GRIA2: variants seen among roughly 807,000 people sequenced by gnomAD.
GRIA2 encodes the protein glutamate ionotropic receptor AMPA type subunit 2, also known as glutamate receptor 2.
A neutral mutation model predicts 97.3 loss-of-function variants in GRIA2; 14 were observed. The ratio of observed to expected loss-of-function variants is 0.14; its 90% CI spans 0.10 to 0.23. The LOEUF is 0.23. GRIA2 is among the 10% of genes least tolerant of loss of function. The pLI is 1.00. For missense variants in GRIA2, 558 were observed against 1,069.8 expected (o/e 0.52, Z 6.67); for synonymous variants, 412 against 387.8 (o/e 1.06, Z -0.73).
In GRIA2 at chr4:157,265,251, A is replaced by G. The variant is rs577037473; in HGVS notation, c.230-38301A>G. On this transcript the variant is annotated intron_variant, in intron 2 of 15. Coordinates refer to ENST00000264426, the MANE Select transcript of GRIA2 (RefSeq NM_001083619.3). The stretch of plus-strand genomic sequence containing the variant: ...AGTTTCTATCTCTGTGAGTTGAAAC[A>G]CAGACAAGATGGAATATAAACATTT... Among the ~76,000 whole-genome samples, 4 of 152,290 alleles carry G rather than the reference A, an allele frequency of 2.6e-5. No individual in the cohort carries two copies. The South Asian group carries it at 8.3e-4, about 32-fold the overall frequency.
intron 12 of GRIA2, among the ~76,000 whole-genome samples, chr4:157,350,310 G>A (rs182181828): frequency 3.9e-4 from 60 of 152,032 alleles, no homozygotes; most frequent in African/African-American, 1.3e-3. Context: ...CCTTGTTATG[G>A]TTTTCATATA....
chr4:157,288,827 A>G (rs1424028748), intron 2 of GRIA2, among the ~76,000 whole-genome samples: 3 of 151,778 alleles, frequency 2.0e-5, no homozygotes, highest in Admixed American at 6.6e-5. Context: ...TTTATGCTGT[A>G]TAATTTCTGG....
chr4:157,321,181 G>A (rs1734548733), intron 5 of GRIA2, among the ~76,000 whole-genome samples: 1 of 152,082 alleles, frequency 6.6e-6, no homozygotes, highest in Non-Finnish European at 1.5e-5. Flanking sequence ...ATTTATGTAG[G>A]TACAACCATG....
chr4:157,340,743 A>G (rs1191850861), intron 11 of GRIA2, among the ~76,000 whole-genome samples: 2 of 151,936 alleles, frequency 1.3e-5, no homozygotes, highest in Non-Finnish European at 2.9e-5. Flanking sequence ...CCTATGTTTT[A>G]CATACACAAA....
chr4:157,323,507 G>A (rs930956702), intron 6 of GRIA2, among the ~76,000 whole-genome samples: 1 of 151,966 alleles, frequency 6.6e-6, no homozygotes, highest in African/African-American at 2.4e-5. Context: ...CCCATTCTGT[G>A]GAATTGCAGG....
At chr4:157,243,464 CTTATTCTCCCCAAT>C (rs2126721903) in intron 2 of GRIA2, among the ~76,000 whole-genome samples, 1 of 152,208 alleles carries the variant, frequency 6.6e-6, no homozygotes, top group South Asian at 2.1e-4. Context: ...AATGAACACG[CTTATTCTCCCCAAT>C]TCAAATTCAT....
chr4:157,281,008 A>G (rs1459953467), intron 2 of GRIA2, among the ~76,000 whole-genome samples: 2 of 151,964 alleles, frequency 1.3e-5, no homozygotes, highest in Non-Finnish European at 2.9e-5. Context: ...CATGGACTGC[A>G]TGCAAAGCTT....
chr4:157,254,475 A>G (rs1731154078), intron 2 of GRIA2, among the ~76,000 whole-genome samples: 1 of 152,096 alleles, frequency 6.6e-6, no homozygotes, highest in African/African-American at 2.4e-5. Context: ...AATTGTTAAT[A>G]TCCATAGTCT....
chr4:157,290,686 C>A (rs917150223), intron 2 of GRIA2, among the ~76,000 whole-genome samples: 2 of 151,730 alleles, frequency 1.3e-5, no homozygotes, highest in Non-Finnish European at 2.9e-5. Context: ...TGACATATGC[C>A]TTAACTTTGT....
At position 157,239,437 on chromosome 4, in the gene GRIA2, G is replaced by A. The variant is rs559541716; in HGVS notation, c.229+17630G>A. On this transcript the variant is annotated intron_variant, in intron 2 of 15. Coordinates refer to ENST00000264426, the MANE Select transcript of GRIA2 (RefSeq NM_001083619.3). ...TTTAAAATTTCCACTAACAGAGGAA[G>A]ACAGAATGGAAAAGAACTTGCCTCT... Among the ~76,000 whole-genome samples the A allele has an allele frequency of 1.1e-4, 16 of 152,142 alleles. No individual in the cohort carries two copies. In the East Asian group the frequency reaches 1.5e-3, roughly 15 times the overall value.
chr4:157,360,748 A>T, intron 13 of GRIA2: 1 of 537,568 alleles, frequency 1.9e-6, no homozygotes, highest in Non-Finnish European at 3.6e-6. Context: ...TTTGTTGTGG[A>T]TGTGAGTACA....
intron 11 of GRIA2, among the ~76,000 whole-genome samples, chr4:157,340,214 C>T (rs559264057): frequency 1.3e-5 from 2 of 151,906 alleles, no homozygotes; most frequent in African/African-American, 4.8e-5. Context: ...CAATCATGAT[C>T]TAAATTTTTA....
rs1209871735 is a variant in GRIA2 at position 157,365,254 on chromosome 4, T to A, written c.*1823T>A. 6.6e-6 allele frequency: 1 copy of A among 151,810 alleles called. No homozygotes were observed. Among genetic ancestry groups the A allele is most frequent in the Non-Finnish European group, 1.5e-5 (1 of 67,668 alleles). The allele number at this position is 151,810 out of a possible 1,614,324, so 9.4% of individuals were successfully genotyped here. Reference sequence around the variant, plus strand: ...AAATTTAGCTGTCCCTAATCACAGATCCTAAGGTAATATAATATAATTTTA... The same window carrying A: ...AAATTTAGCTGTCCCTAATCACAGAACCTAAGGTAATATAATATAATTTTA... On this transcript the variant is annotated 3_prime_UTR_variant, in exon 16 of 16. Transcript: ENST00000264426.
chr4:157,223,243 A>T (rs1253373173), intron 2 of GRIA2, among the ~76,000 whole-genome samples: 1 of 152,076 alleles, frequency 6.6e-6, no homozygotes, highest in Non-Finnish European at 1.5e-5. Context: ...TGAAGAAACA[A>T]TTTTCTTAGA....
At chr4:157,225,098 G>A (rs552457110) in intron 2 of GRIA2, among the ~76,000 whole-genome samples, 5 of 152,162 alleles carry the variant, frequency 3.3e-5, no homozygotes, top group East Asian at 1.9e-4. Context: ...TGAAGTGGAC[G>A]TTGATATGAG....
chr4:157,262,674 C>T (rs1731596439), intron 2 of GRIA2, among the ~76,000 whole-genome samples: 1 of 152,002 alleles, frequency 6.6e-6, no homozygotes, highest in East Asian at 1.9e-4. Context: ...TTTTGTGTTG[C>T]ATCCAAACAA....
intron 2 of GRIA2, among the ~76,000 whole-genome samples, chr4:157,228,856 A>AC (rs1291174751): frequency 8.7e-5 from 13 of 149,874 alleles, no homozygotes; most frequent in African/African-American, 3.2e-4. Flanking sequence ...CCAAAAAAAA[A>AC]CCCAAAAGCA....
In GRIA2 at chr4:157,365,615, T is replaced by C. The variant is rs902994962; in HGVS notation, c.*2184T>C. On this transcript the variant is annotated 3_prime_UTR_variant, in exon 16 of 16. Transcript: ENST00000264426. ...ACTATGGATAATGTTGATTGGATAA[T>C]GCACATCTCAGTTACAAGCAGTACT... 2.0e-5 allele frequency: 3 copies of C among 152,012 alleles called. No individual in the cohort carries two copies. Among genetic ancestry groups the C allele is most frequent in the Non-Finnish European group, 4.4e-5 (3 of 67,584 alleles). 9.4% of individuals were successfully genotyped at this position (152,012 alleles called of 1,614,324 possible).
At chr4:157,229,268 TG>T (rs1311876830) in intron 2 of GRIA2, among the ~76,000 whole-genome samples, 1 of 152,224 alleles carries the variant, frequency 6.6e-6, no homozygotes, top group African/African-American at 2.4e-5. Flanking sequence ...CTAACGATTT[TG>T]TTTTGTCTTA....
Sources: allele counts gnomAD v4.1 joint callset (sites outside exome capture counted in the v4.1 genomes callset), GRCh38; gene constraint gnomAD v4.1.1; transcripts MANE v1.5; gene names NCBI Gene and HGNC (gene_info 2026-07-23, HGNC 2026-07-21).